The following LINGO2 variants were observed in gnomAD, a reference collection of about 807,000 sequenced individuals.
The protein encoded by LINGO2 is leucine-rich repeat and immunoglobulin-like domain-containing nogo receptor-interacting protein 2.
Under a neutral mutation model 30.6 loss-of-function variants are expected in LINGO2, and 14 were observed. The observed-to-expected ratio is 0.46, with a 90% CI of 0.30 to 0.72. The LOEUF (loss-of-function observed/expected upper bound fraction) is 0.72. LINGO2 is among the 30% of genes least tolerant of loss of function. The pLI, the probability that LINGO2 is intolerant of heterozygous loss-of-function variation, is 0.07. For synonymous variants in LINGO2, 317 were observed against 288.5 expected, an observed-to-expected ratio of 1.10 and a Z score of -1.00; for missense variants, 729 against 751.7, an observed-to-expected ratio of 0.97 and a Z score of 0.35.
chr9:28,504,237 C>T (rs938460043), intron 1 of LINGO2, among the ~76,000 whole-genome samples: 2 of 151,672 alleles, frequency 1.3e-5, no homozygotes, highest in African/African-American at 2.4e-5. Flanking sequence ...TATATTTTCC[C>T]ACATACTTAT....
chr9:29,060,426 G>C, the LINGO2 span, among the ~76,000 whole-genome samples: 3 of 152,112 alleles, frequency 2.0e-5, no homozygotes, highest in African/African-American at 4.8e-5. Flanking sequence ...ATAAACTTCT[G>C]TGAAAACAAA....
intron 4 of LINGO2, among the ~76,000 whole-genome samples, chr9:28,036,236 T>C (rs1823929230): frequency 2.0e-5 from 3 of 152,212 alleles, no homozygotes; most frequent in Admixed American, 2.0e-4. Context: ...CAGCCCATCA[T>C]CATGTAGAAA....
At chr9:28,707,013 T>A in the LINGO2 span, among the ~76,000 whole-genome samples, 1 of 152,116 alleles carries the variant, frequency 6.6e-6, no homozygotes, top group Non-Finnish European at 1.5e-5. Context: ...GACTACATGT[T>A]CTTATAGATC....
intron 1 of LINGO2, among the ~76,000 whole-genome samples, chr9:28,544,356 T>A (rs1821838518): frequency 6.6e-6 from 1 of 152,154 alleles, no homozygotes; most frequent in Non-Finnish European, 1.5e-5. Flanking sequence ...AAATCATACC[T>A]GTAATGCAGT....
intron 1 of LINGO2, among the ~76,000 whole-genome samples, chr9:28,587,249 A>G (rs1824598733): frequency 6.6e-6 from 1 of 151,996 alleles, no homozygotes; most frequent in Non-Finnish European, 1.5e-5. Context: ...CTGCTGTGCT[A>G]ACTCAGCATT....
rs1316963881 is a variant in LINGO2 at position 28,535,992 on chromosome 9, G to A, written c.-364-59967C>T. ...GCACAAAGGAGATCATCATTGGATAGACACTTGATGAAGTTTTATTTTATT... is the reference window on the plus strand; with the variant it reads ...GCACAAAGGAGATCATCATTGGATAAACACTTGATGAAGTTTTATTTTATT... On this transcript the variant is annotated intron_variant, in intron 1 of 5. Coordinates refer to ENST00000379992, the Ensembl canonical transcript of LINGO2. 2.6e-5 allele frequency among the ~76,000 whole-genome samples: 4 copies of A among 152,180 alleles called. No homozygotes were observed. In the South Asian group the frequency reaches 8.3e-4, roughly 31 times the overall value.
intron 4 of LINGO2, among the ~76,000 whole-genome samples, chr9:28,017,121 C>T (rs1822879089): frequency 6.6e-6 from 1 of 152,120 alleles, no homozygotes; most frequent in Non-Finnish European, 1.5e-5. Flanking sequence ...GCAGAAAAGG[C>T]TTTTGATAAA....
intron 2 of LINGO2, among the ~76,000 whole-genome samples, chr9:28,446,419 T>C (rs1219892313): frequency 6.6e-6 from 1 of 152,246 alleles, no homozygotes. Context: ...GCACAAATTT[T>C]AAACAAGGTC....
the LINGO2 span, among the ~76,000 whole-genome samples, chr9:28,805,451 C>G: frequency 6.6e-6 from 1 of 152,124 alleles, no homozygotes; most frequent in Non-Finnish European, 1.5e-5. Flanking sequence ...TTCTCTATAT[C>G]TATCTAATTC....
the LINGO2 span, among the ~76,000 whole-genome samples, chr9:28,949,899 C>A: frequency 6.6e-6 from 1 of 152,072 alleles, no homozygotes; most frequent in Non-Finnish European, 1.5e-5. Flanking sequence ...CTGGATCCTG[C>A]AGCACATTAA....
chr9:28,919,998 C>T, the LINGO2 span, among the ~76,000 whole-genome samples: 2 of 152,084 alleles, frequency 1.3e-5, no homozygotes, highest in Non-Finnish European at 2.9e-5. Context: ...CAAATTGTTA[C>T]ACTGTAGTTT....
chr9:28,799,075 TTTA>T, the LINGO2 span, among the ~76,000 whole-genome samples: 1 of 152,076 alleles, frequency 6.6e-6, no homozygotes, highest in South Asian at 2.1e-4. Context: ...TTTGTATAAT[TTTA>T]TGGAGAACAA....
chr9:28,163,801 G>A lies in LINGO2; in HGVS notation c.-87+131407C>T, dbSNP rs139562018. Among the ~76,000 whole-genome samples the A allele has an allele frequency of 1.3e-3, 192 of 152,150 alleles. 1 individual carries two copies. In the Middle Eastern group the frequency reaches 0.017, roughly 13 times the overall value. ...CTACAGCCCAATTTTCTGCCTAAAC[G>A]AGATCCAACTTGCCTATTTACAGTT... On this transcript the variant is annotated intron_variant, in intron 4 of 5. Transcript: ENST00000379992.
At chr9:28,251,990 A>T (rs1822217672) in intron 4 of LINGO2, among the ~76,000 whole-genome samples, 1 of 152,140 alleles carries the variant, frequency 6.6e-6, no homozygotes, top group Non-Finnish European at 1.5e-5. Flanking sequence ...TAGCTATGTG[A>T]CGTTGGCCAA....
At chr9:28,634,873 CACTCTTTTCA>C (rs1430949937) in intron 1 of LINGO2, among the ~76,000 whole-genome samples, 1 of 152,126 alleles carries the variant, frequency 6.6e-6, no homozygotes, top group African/African-American at 2.4e-5. Context: ...ATAGAAAAAT[CACTCTTTTCA>C]ACCCTTTTGC....
chr9:28,233,030 T>TTATATATATATATATATATATATA (rs1554690875), intron 4 of LINGO2, among the ~76,000 whole-genome samples: 49 of 77,642 alleles, frequency 6.3e-4, no homozygotes, highest in East Asian at 3.0e-3. Context: ...ACAGTAAACA[T>TTATATATATATATATATATATATA]TATATATATA....
At chr9:29,013,855 T>C in the LINGO2 span, among the ~76,000 whole-genome samples, 1 of 152,168 alleles carries the variant, frequency 6.6e-6, no homozygotes, top group Admixed American at 6.6e-5. Flanking sequence ...ATTTGTAGTG[T>C]GTAATGTGTT....
At chr9:28,288,293 T>C (rs550993438) in intron 4 of LINGO2, among the ~76,000 whole-genome samples, 2 of 152,260 alleles carry the variant, frequency 1.3e-5, no homozygotes, top group South Asian at 2.1e-4. Flanking sequence ...TATTTTTACA[T>C]AATGGCGACT....
chr9:28,727,434 C>T, the LINGO2 span, among the ~76,000 whole-genome samples: 2 of 151,954 alleles, frequency 1.3e-5, no homozygotes, highest in African/African-American at 2.4e-5. Flanking sequence ...TATGGGTGCC[C>T]GCCACCACGT....
Sources: allele counts gnomAD v4.1 joint callset (sites outside exome capture counted in the v4.1 genomes callset), GRCh38; gene constraint gnomAD v4.1.1; transcripts MANE v1.5; gene names NCBI Gene and HGNC (gene_info 2026-07-23, HGNC 2026-07-21).